ZNF385D: variants seen among roughly 807,000 people sequenced by gnomAD.
The protein encoded by ZNF385D is zinc finger protein 659.
ZNF385D carries 15 observed loss-of-function variants against 35.8 expected under a neutral mutation model. That is an observed-to-expected ratio of 0.42 (90% CI 0.28 to 0.64). ZNF385D has a LOEUF of 0.64. Among genes scored for constraint, ZNF385D ranks in the 30% least tolerant of loss-of-function variants. The pLI is 0.23. For missense variants in ZNF385D, 474 were observed against 494.6 expected, an observed-to-expected ratio of 0.96 and a Z score of 0.39; for synonymous variants, 212 against 186.8, an observed-to-expected ratio of 1.13 and a Z score of -1.10.
rs200875758 is a variant in ZNF385D at position 22,020,331 on chromosome 3, CT to C, written c.325+148485del. Among the ~76,000 whole-genome samples the C allele has an allele frequency of 5.6e-3, 845 of 151,666 alleles. 8 individuals are homozygous for C. The highest frequency in any genetic ancestry group is 0.019 in the African/African-American group (774 of 41,416). ...TAGATTTCAAGTATGTTGGTGAAAG[CT>C]TTTTTTTCTTTTCCTATTATTTTTA... On this transcript the variant is annotated intron_variant, in intron 3 of 5. Transcript: ENST00000494108.
At chr3:22,110,338 C>T (rs1559376489) in intron 3 of ZNF385D, among the ~76,000 whole-genome samples, 2 of 151,898 alleles carry the variant, frequency 1.3e-5, no homozygotes, top group African/African-American at 4.8e-5. Context: ...CACATGCACA[C>T]ATATGTTTAT....
intron 2 of ZNF385D, among the ~76,000 whole-genome samples, chr3:22,350,714 T>C (rs1337273606): frequency 6.6e-6 from 1 of 152,142 alleles, no homozygotes; most frequent in Non-Finnish European, 1.5e-5. Flanking sequence ...CATGCGATTA[T>C]AACTTCCTTT....
At chr3:21,477,800 T>C (rs957027839) in intron 4 of ZNF385D, among the ~76,000 whole-genome samples, 1 of 152,174 alleles carries the variant, frequency 6.6e-6, no homozygotes, top group African/African-American at 2.4e-5. Flanking sequence ...CTTTAAATGA[T>C]TTCACATCCC....
intron 3 of ZNF385D, among the ~76,000 whole-genome samples, chr3:21,877,088 AG>A (rs1455418282): frequency 1.3e-5 from 2 of 152,216 alleles, no homozygotes; most frequent in Middle Eastern, 3.4e-3. Flanking sequence ...CCATGGGATC[AG>A]GTTTATTCGC....
rs148498889 is a variant in ZNF385D, at chr3:21,816,291, A to T, written c.326-151263T>A. Among the ~76,000 whole-genome samples the T allele has an allele frequency of 9.5e-3, 1,453 of 152,274 alleles. 20 individuals carry two copies. Among genetic ancestry groups the T allele is most frequent in the African/African-American group, 0.033 (1,353 of 41,546 alleles). On this transcript the variant is annotated intron_variant, in intron 3 of 5. Coordinates refer to the ZNF385D transcript ENST00000494108. ...GCACAAGACAGGGATGCCCTCTCTC[A>T]CCACTCCTATGCAAAATAGTGTTGG...
chr3:21,418,731 T>C lies in ZNF385D; in HGVS notation c.*2483A>G, dbSNP rs1559429466. 1 of 152,244 alleles carries C rather than the reference T, an allele frequency of 6.6e-6. No individual in the cohort carries two copies. Among genetic ancestry groups the C allele is most frequent in the Non-Finnish European group, 1.5e-5 (1 of 68,050 alleles). The allele number at this position is 152,244 out of a possible 1,614,324, so 9.4% of individuals were successfully genotyped here. A position where few individuals can be genotyped will look rare whatever the true frequency, so the allele number is the denominator to read the frequency against. The stretch of plus-strand genomic sequence containing the variant: ...GGGAAAGAACAGCAAAAGCACGTTT[T>C]AGTGAGACTGCTTTAATTAACACTA... On this transcript the variant is annotated 3_prime_UTR_variant, in exon 8 of 8. Coordinates refer to ENST00000281523, the MANE Select transcript of ZNF385D (RefSeq NM_024697.3).
intron 3 of ZNF385D, among the ~76,000 whole-genome samples, chr3:22,089,688 T>A (rs1385625595): frequency 6.6e-6 from 1 of 152,150 alleles, no homozygotes; most frequent in Non-Finnish European, 1.5e-5. Flanking sequence ...AGTTCATGAT[T>A]TTTCCTTGAA....
chr3:21,984,276 T>C (rs1694680349), intron 3 of ZNF385D, among the ~76,000 whole-genome samples: 1 of 146,778 alleles, frequency 6.8e-6, no homozygotes, highest in South Asian at 2.1e-4. Flanking sequence ...CTAGGGTTTC[T>C]TCTAGGGTTT....
At chr3:22,198,941 A>G (rs1390030294) in intron 2 of ZNF385D, among the ~76,000 whole-genome samples, 3 of 152,140 alleles carry the variant, frequency 2.0e-5, no homozygotes, top group Non-Finnish European at 4.4e-5. Context: ...GAATTGCTGT[A>G]CATTTCAATA....
chr3:22,269,131 T>C (rs7627451), intron 2 of ZNF385D, among the ~76,000 whole-genome samples: 22,047 of 151,904 alleles, frequency 0.15, 3,406 homozygotes, highest in African/African-American at 0.39. Context: ...CCAATGTATA[T>C]CTGTATGCAT....
chr3:22,260,649 G>C (rs1700580774), intron 2 of ZNF385D, among the ~76,000 whole-genome samples: 2 of 152,010 alleles, frequency 1.3e-5, no homozygotes, highest in South Asian at 4.2e-4. Context: ...AGTTTTACAA[G>C]TAAAATGGAC....
At chr3:21,988,170 G>A (rs1263275467) in intron 3 of ZNF385D, among the ~76,000 whole-genome samples, 10 of 131,834 alleles carry the variant, frequency 7.6e-5, no homozygotes, top group East Asian at 2.2e-4. Flanking sequence ...CTCTCAACTC[G>A]TCAAAATCAT....
chr3:21,526,379 A>G (rs1041362651), intron 3 of ZNF385D, among the ~76,000 whole-genome samples: 1 of 152,154 alleles, frequency 6.6e-6, no homozygotes, highest in Non-Finnish European at 1.5e-5. Context: ...CTATTAGTTC[A>G]AGTATCACTC....
In ZNF385D at chr3:21,421,347, C is replaced by G. The variant is rs1239015783; in HGVS notation, c.1055G>C (p.Ser352Thr). The G allele has an allele frequency of 6.2e-7, 1 of 1,613,820 alleles. No individual in the cohort carries two copies. Among genetic ancestry groups the G allele is most frequent in the Non-Finnish European group, 8.5e-7 (1 of 1,179,856 alleles). Reference sequence around the variant, plus strand: ...AGCAGTTCGAAGACTGAAGGGGGAACTCACTGCCACTGCTGCTGCGGCTGC... The same window carrying G: ...AGCAGTTCGAAGACTGAAGGGGGAAGTCACTGCCACTGCTGCTGCGGCTGC... ...AAAAAAAVAV[S>T]SPFSLRTAPA... Residue 352 changes from serine (S) to threonine (T), a missense_variant, in exon 8 of 8, where the codon AGT becomes ACT. Coordinates refer to ENST00000281523, the MANE Select transcript of ZNF385D (RefSeq NM_024697.3).
At chr3:22,096,381 G>T (rs529786380) in intron 3 of ZNF385D, among the ~76,000 whole-genome samples, 1 of 151,714 alleles carries the variant, frequency 6.6e-6, no homozygotes, top group African/African-American at 2.4e-5. Context: ...ACTGTTTATG[G>T]CTTATTGTTT....
At chr3:22,179,682 G>A (rs1052798978) in intron 2 of ZNF385D, among the ~76,000 whole-genome samples, 1 of 152,142 alleles carries the variant, frequency 6.6e-6, no homozygotes. Context: ...AAAGGGAATG[G>A]TTCCAGTTTT....
chr3:21,866,079 A>G (rs1040911502), intron 3 of ZNF385D, among the ~76,000 whole-genome samples: 2 of 152,084 alleles, frequency 1.3e-5, no homozygotes, highest in East Asian at 3.9e-4. Context: ...ACAAATATAC[A>G]TATATACACT....
intron 4 of ZNF385D, among the ~76,000 whole-genome samples, chr3:21,448,118 C>G (rs905626642): frequency 6.6e-6 from 1 of 152,068 alleles, no homozygotes; most frequent in African/African-American, 2.4e-5. Flanking sequence ...CCGATATGCA[C>G]TTGCCACAAC....
intron 2 of ZNF385D, among the ~76,000 whole-genome samples, chr3:22,220,662 A>G (rs534534511): frequency 6.6e-6 from 1 of 152,254 alleles, no homozygotes; most frequent in East Asian, 1.9e-4. Context: ...CATGTGCCAA[A>G]CACTTCTGTA....
Sources: allele counts gnomAD v4.1 joint callset (sites outside exome capture counted in the v4.1 genomes callset), GRCh38; gene constraint gnomAD v4.1.1; transcripts MANE v1.5; gene names NCBI Gene and HGNC (gene_info 2026-07-23, HGNC 2026-07-21).